ICA1: variants seen among roughly 807,000 people sequenced by gnomAD.
ICA1 encodes 69 kDa islet cell autoantigen.
In ICA1, 40 loss-of-function variants were observed where a neutral mutation model predicts 71.0. The ratio of observed to expected loss-of-function variants is 0.56; its 90% CI spans 0.44 to 0.73. ICA1 has a LOEUF of 0.73. ICA1 is among the 30% of genes least tolerant of loss of function. The probability of loss-of-function intolerance (pLI) is 0.00; values close to 1 mark genes in which losing one functional copy is unlikely to be tolerated. For synonymous variants in ICA1, 207 were observed against 209.5 expected (o/e 0.99, Z 0.10); for missense variants, 578 against 576.5 (o/e 1.00, Z -0.03).
intron 1 of ICA1, among the ~76,000 whole-genome samples, chr7:8,243,340 G>A (rs982583624): frequency 6.6e-6 from 1 of 152,164 alleles, no homozygotes; most frequent in African/African-American, 2.4e-5. Flanking sequence ...AATGGATGCA[G>A]AAAAGGCCTT....
chr7:8,205,492 A>G (rs1456092354), intron 6 of ICA1, among the ~76,000 whole-genome samples: 1 of 152,178 alleles, frequency 6.6e-6, no homozygotes, highest in Non-Finnish European at 1.5e-5. Context: ...CATGCACACA[A>G]AAAGATGTGT....
In ICA1 at chr7:8,145,764, A is replaced by ATG. The variant is rs1554288695; in HGVS notation, c.805-1793_805-1792insCA. ...AATCATTGTGTATATATATATATAT[A>ATG]TATGTATATAAAATATATAGAGAGA... is the stretch of plus-strand genomic sequence containing the variant. On this transcript the variant is annotated intron_variant, in intron 8 of 13. Transcript: ENST00000402384. 2.0e-4 allele frequency among the ~76,000 whole-genome samples: 27 copies of ATG among 136,294 alleles called. 1 individual carries two copies. Among genetic ancestry groups the ATG allele is most frequent in the African/African-American group, 5.5e-4 (21 of 38,336 alleles). The allele number at this position is 136,294 out of a possible 152,430, so 89.4% of individuals were successfully genotyped here.
intron 8 of ICA1, among the ~76,000 whole-genome samples, chr7:8,147,194 C>T (rs538275655): frequency 6.6e-6 from 1 of 152,248 alleles, no homozygotes; most frequent in Non-Finnish European, 1.5e-5. Flanking sequence ...GGTTATCATC[C>T]TTTCTGTCTC....
intron 2 of ICA1, among the ~76,000 whole-genome samples, chr7:8,233,888 A>G (rs1448504341): frequency 6.6e-6 from 1 of 152,210 alleles, no homozygotes; most frequent in Non-Finnish European, 1.5e-5. Context: ...ATTTTTCAGG[A>G]GGATCACAGT....
chr7:8,182,396 G>C (rs1422745657), intron 6 of ICA1, among the ~76,000 whole-genome samples: 4 of 152,186 alleles, frequency 2.6e-5, no homozygotes, highest in Non-Finnish European at 2.9e-5. Flanking sequence ...TCAGAGCTCT[G>C]CATAGTGCCT....
At chr7:8,216,681 T>C (rs556440610) in intron 6 of ICA1, among the ~76,000 whole-genome samples, 171 of 152,306 alleles carry the variant, frequency 1.1e-3, no homozygotes, top group African/African-American at 3.4e-3. Flanking sequence ...TAAATATTAA[T>C]TGAGTGAATA....
At chr7:8,119,961 A>C (rs192571175) in intron 13 of ICA1, among the ~76,000 whole-genome samples, 8 of 152,342 alleles carry the variant, frequency 5.3e-5, no homozygotes, top group African/African-American at 1.7e-4. Flanking sequence ...TTCTACTTGA[A>C]TTCCTTTGTA....
At chr7:8,209,973 G>A (rs897921838) in intron 6 of ICA1, among the ~76,000 whole-genome samples, 3 of 152,176 alleles carry the variant, frequency 2.0e-5, no homozygotes, top group African/African-American at 4.8e-5. Context: ...GGAAGCTGGG[G>A]TTGGGGGAGG....
chr7:8,164,324 AAAAAAG>A (rs1268635705), intron 6 of ICA1, among the ~76,000 whole-genome samples: 2 of 150,122 alleles, frequency 1.3e-5, no homozygotes, highest in Non-Finnish European at 3.0e-5. Context: ...AAAAAAAAAA[AAAAAAG>A]AATAGATCTG....
chr7:8,240,870 G>C (rs1271045565), intron 1 of ICA1, among the ~76,000 whole-genome samples: 1 of 152,138 alleles, frequency 6.6e-6, no homozygotes, highest in South Asian at 2.1e-4. Context: ...AGAGAAAAAA[G>C]AGTAAAAAGT....
At chr7:8,122,293 A>G (rs988805842) in intron 13 of ICA1, among the ~76,000 whole-genome samples, 2 of 152,212 alleles carry the variant, frequency 1.3e-5, no homozygotes, top group African/African-American at 4.8e-5. Flanking sequence ...CAGTGAGGAG[A>G]CAGTCGTGTC....
At chr7:8,145,755 T>TAC (rs2128137479) in intron 8 of ICA1, among the ~76,000 whole-genome samples, 1 of 77,676 alleles carries the variant, frequency 1.3e-5, no homozygotes, top group East Asian at 5.7e-4. Context: ...TGTGTATATA[T>TAC]ATATATATAT....
chr7:8,199,425 T>C lies in ICA1; in HGVS notation c.579+18880A>G, dbSNP rs146309791. On this transcript the variant is annotated intron_variant, in intron 6 of 13. Transcript: ENST00000402384. ...CTATTCAGCCATAAAAAGAATGAGT[T>C]CCTGGCCAGGCATGGTGGCTCACGC... Among the ~76,000 whole-genome samples, 10 of 152,270 alleles carry C rather than the reference T, an allele frequency of 6.6e-5. No individual in the cohort carries two copies. In the East Asian group the frequency reaches 1.9e-3, roughly 29 times the overall value.
chr7:8,241,857 A>C (rs934376606), intron 1 of ICA1, among the ~76,000 whole-genome samples: 1 of 152,214 alleles, frequency 6.6e-6, no homozygotes, highest in Non-Finnish European at 1.5e-5. Flanking sequence ...ATTCGACAAG[A>C]AGAGTTAACT....
chr7:8,206,525 T>C (rs1293634166), intron 6 of ICA1, among the ~76,000 whole-genome samples: 2 of 152,198 alleles, frequency 1.3e-5, no homozygotes, highest in African/African-American at 2.4e-5. Context: ...TTCAATCTCA[T>C]TGATTCTCAA....
chr7:8,124,984 T>A (rs1324168652), intron 13 of ICA1, among the ~76,000 whole-genome samples: 1 of 152,066 alleles, frequency 6.6e-6, no homozygotes, highest in African/African-American at 2.4e-5. Flanking sequence ...AGACAGAGTT[T>A]CACCATGTTG....
chr7:8,148,776 T>C (rs1179927228), intron 8 of ICA1, among the ~76,000 whole-genome samples: 1 of 152,054 alleles, frequency 6.6e-6, no homozygotes, highest in Non-Finnish European at 1.5e-5. Context: ...CAATAACACA[T>C]ATGGAACTTG....
At chr7:8,235,038 C>G (rs867709851) in intron 2 of ICA1, among the ~76,000 whole-genome samples, 4 of 152,086 alleles carry the variant, frequency 2.6e-5, no homozygotes, top group South Asian at 2.1e-4. Context: ...GTGGCACATG[C>G]CTGTAATCCC....
intron 6 of ICA1, among the ~76,000 whole-genome samples, chr7:8,214,321 G>C (rs569740763): frequency 2.4e-4 from 37 of 152,212 alleles, no homozygotes; most frequent in Non-Finnish European, 5.1e-4. Flanking sequence ...GCTACAAGAA[G>C]CTGACTTCTA....
Sources: allele counts gnomAD v4.1 joint callset (sites outside exome capture counted in the v4.1 genomes callset), GRCh38; gene constraint gnomAD v4.1.1; transcripts MANE v1.5; gene names NCBI Gene and HGNC (gene_info 2026-07-23, HGNC 2026-07-21).